USH2A: variants seen among roughly 807,000 people sequenced by gnomAD.
USH2A encodes Usher syndrome 2A (autosomal recessive, mild).
USH2A carries 443 observed loss-of-function variants against 538.9 expected under a neutral mutation model. The observed-to-expected ratio is 0.82, with a 90% CI of 0.76 to 0.89. The LOEUF is 0.89. Among genes scored for constraint, USH2A ranks in the 40% least tolerant of loss-of-function variants. The pLI, the probability that USH2A is intolerant of heterozygous loss-of-function variation, is 0.00. For synonymous variants in USH2A, 2,413 were observed against 2,273.5 expected (o/e 1.06, Z -1.75); for missense variants, 6,633 against 6,324.8 (o/e 1.05, Z -1.65).
chr1:215,736,363 C>T (rs1660155030), intron 60 of USH2A, among the ~76,000 whole-genome samples: 1 of 152,078 alleles, frequency 6.6e-6, no homozygotes, highest in Admixed American at 6.5e-5. Flanking sequence ...TTGTTAAAAT[C>T]CCTATTTACC....
chr1:216,000,710 A>C, intron 32 of USH2A, 148 bp from the exon 33 acceptor site: 1 of 959,260 alleles, frequency 1.0e-6, no homozygotes. Context: ...TAGCAATAAC[A>C]TATAGGATGC....
At position 215,634,542 on chromosome 1, in the gene USH2A, A is replaced by G; in HGVS notation, c.15214T>C (p.Tyr5072His). ...ACCAAGGGAGGTCTTTCTCTGATAT[A>G]TGGCTCTTTGTGGATTTTTCTTTGT... ...ILQRKIHKEP[Y>H]IRERPPLVPL... Residue 5072 changes from tyrosine (Y) to histidine (H), a missense_variant, in exon 70 of 72, where the codon TAT becomes CAT. By Grantham distance (83) the Tyr-to-His change is moderately conservative. Coordinates refer to ENST00000307340, the MANE Select transcript of USH2A (RefSeq NM_206933.4). The G allele has an allele frequency of 1.2e-6, 2 of 1,614,212 alleles. No individual in the cohort carries two copies. Among genetic ancestry groups the G allele is most frequent in the Non-Finnish European group, 1.7e-6 (2 of 1,180,028 alleles).
At chr1:216,350,544 C>A (rs1472318902) in intron 4 of USH2A, among the ~76,000 whole-genome samples, 1 of 152,094 alleles carries the variant, frequency 6.6e-6, no homozygotes, top group Non-Finnish European at 1.5e-5. Flanking sequence ...GAGGCTACAG[C>A]CCCCATGCAA....
intron 9 of USH2A, among the ~76,000 whole-genome samples, chr1:216,294,860 G>A (rs2037073131): frequency 6.6e-6 from 1 of 151,652 alleles, no homozygotes; most frequent in Admixed American, 6.6e-5. Context: ...TCCTTTTTGA[G>A]AAAATTATTC....
chr1:216,022,597 C>A (rs1045869117), intron 32 of USH2A, among the ~76,000 whole-genome samples: 2 of 152,096 alleles, frequency 1.3e-5, no homozygotes, highest in Admixed American at 1.3e-4. Flanking sequence ...ACTCAGTATT[C>A]TTTTAGGACT....
intron 60 of USH2A, among the ~76,000 whole-genome samples, chr1:215,738,676 G>A (rs998385456): frequency 6.6e-6 from 1 of 152,170 alleles, no homozygotes; most frequent in Non-Finnish European, 1.5e-5. Context: ...GTCTTGGTGA[G>A]AAGAGAGTGG....
rs922895655 is a variant in USH2A at position 215,987,193 on chromosome 1, A to G, written c.6805+5827T>C. ...GTGTGAAGAAAAAACATATTTCAGG[A>G]TTCTAAGGCCTAAGCTTCTAAAAAG... On this transcript the variant is annotated intron_variant, in intron 35 of 71. Transcript: ENST00000307340. 6.6e-5 allele frequency among the ~76,000 whole-genome samples: 10 copies of G among 152,320 alleles called. No homozygotes were observed. The East Asian group carries it at 1.9e-3, about 29-fold the overall frequency.
intron 17 of USH2A, among the ~76,000 whole-genome samples, chr1:216,198,797 G>A (rs2034915173): frequency 6.6e-6 from 1 of 152,058 alleles, no homozygotes; most frequent in African/African-American, 2.4e-5. Flanking sequence ...CTATATAGAT[G>A]AATGTATAAA....
At chr1:216,264,460 G>A (rs566722973) in intron 11 of USH2A, among the ~76,000 whole-genome samples, 15 of 152,100 alleles carry the variant, frequency 9.9e-5, no homozygotes, top group East Asian at 7.8e-4. Flanking sequence ...ACCATGCTCT[G>A]CTAATTTTTG....
At chr1:215,970,450 T>C (rs894785976) in intron 36 of USH2A, among the ~76,000 whole-genome samples, 175 bp downstream of exon 36, 3 of 152,186 alleles carry the variant, frequency 2.0e-5, no homozygotes, top group East Asian at 1.9e-4. Context: ...TTGAAATTTA[T>C]GTCGAATATA....
intron 4 of USH2A, among the ~76,000 whole-genome samples, chr1:216,364,309 C>T (rs1209943412): frequency 6.6e-6 from 1 of 151,910 alleles, no homozygotes; most frequent in Non-Finnish European, 1.5e-5. Context: ...AATGCAAACC[C>T]CTCAGAAAAG....
intron 3 of USH2A, among the ~76,000 whole-genome samples, chr1:216,368,070 T>C (rs2038634206): frequency 6.6e-6 from 1 of 152,190 alleles, no homozygotes; most frequent in Non-Finnish European, 1.5e-5. Flanking sequence ...GAAAACACTT[T>C]GGAAAGAAGA....
At chr1:216,126,435 G>T (rs1041627991) in intron 21 of USH2A, among the ~76,000 whole-genome samples, 1 of 152,104 alleles carries the variant, frequency 6.6e-6, no homozygotes, top group Admixed American at 6.5e-5. Flanking sequence ...ATGCTGGCCA[G>T]GCTGGTCTTG....
chr1:215,701,841 G>T (rs1659028070), intron 61 of USH2A, among the ~76,000 whole-genome samples: 1 of 152,140 alleles, frequency 6.6e-6, no homozygotes, highest in South Asian at 2.1e-4. Flanking sequence ...TGTTATGTGT[G>T]AATTTGATTC....
At chr1:216,067,783 A>T (rs911487542) in intron 30 of USH2A, among the ~76,000 whole-genome samples, 4 of 152,032 alleles carry the variant, frequency 2.6e-5, no homozygotes, top group African/African-American at 9.7e-5. Context: ...ATCCAGTTGG[A>T]AATGTCATTG....
intron 21 of USH2A, among the ~76,000 whole-genome samples, chr1:216,160,103 G>T (rs2102627964): frequency 6.6e-6 from 1 of 151,566 alleles, no homozygotes; most frequent in East Asian, 1.9e-4. Flanking sequence ...TCAATTCTTG[G>T]TCTTATTTTC....
intron 40 of USH2A, among the ~76,000 whole-genome samples, chr1:215,896,857 T>C (rs1054684539): frequency 6.6e-6 from 1 of 152,200 alleles, no homozygotes; most frequent in Non-Finnish European, 1.5e-5. Flanking sequence ...AAATAATGTG[T>C]TGTTTGTATT....
intron 64 of USH2A, among the ~76,000 whole-genome samples, chr1:215,653,520 C>G (rs115609114): frequency 0.011 from 1,736 of 152,160 alleles, 38 homozygotes; most frequent in African/African-American, 0.039. Flanking sequence ...AAAATGAAAA[C>G]AGAATGAAGA....
At chr1:216,331,988 TA>T (rs2037873766) in intron 4 of USH2A, among the ~76,000 whole-genome samples, 1 of 152,278 alleles carries the variant, frequency 6.6e-6, no homozygotes, top group East Asian at 1.9e-4. Flanking sequence ...GTTTATTTTT[TA>T]AATGACTGAA....
Sources: gnomAD v4.1 joint callset for allele counts (sites outside exome capture counted in the v4.1 genomes callset) on GRCh38, gnomAD v4.1.1 for gene constraint, MANE v1.5 for transcripts, NCBI Gene and HGNC (gene_info 2026-07-23, HGNC 2026-07-21) for gene names.